Variants in AXDND1 observed in about 807,000 individuals in gnomAD.
AXDND1 encodes the protein axonemal dynein light chain domain-containing protein 1.
Under a neutral mutation model 137.5 loss-of-function variants are expected in AXDND1, and 110 were observed. The observed-to-expected ratio is 0.80, with a 90% CI of 0.69 to 0.94. AXDND1 has a LOEUF of 0.94. AXDND1 is among the 40% of genes least tolerant of loss of function. AXDND1 has a pLI of 0.00. For synonymous variants in AXDND1, 414 were observed against 399.7 expected, an observed-to-expected ratio of 1.04 and a Z score of -0.43; for missense variants, 1,191 against 1,169.8, an observed-to-expected ratio of 1.02 and a Z score of -0.26.
chr1:179,408,832 G>A lies in AXDND1; in HGVS notation c.1110-2314G>A, dbSNP rs187109677. ...GTAGCTAGACTACAGGTACACACTA[G>A]AGTGCCTGGTGCCTGGGTAAAATTT... is the stretch of plus-strand genomic sequence containing the variant. On this transcript the variant is annotated intron_variant, in intron 11 of 25. Transcript: ENST00000367618. 2.6e-5 allele frequency among the ~76,000 whole-genome samples: 4 copies of A among 152,164 alleles called. No individual in the cohort carries two copies. In the East Asian group the frequency reaches 7.7e-4, roughly 29 times the overall value.
chr1:179,455,315 G>A (rs1237856151), intron 16 of AXDND1: 1 of 147,412 alleles, frequency 6.8e-6, no homozygotes, highest in Non-Finnish European at 1.5e-5. Flanking sequence ...AAAAGAGGCT[G>A]GGTGCGGTGG....
At chr1:179,459,052 TTAAA>T (rs1390190438) in intron 16 of AXDND1, among the ~76,000 whole-genome samples, 1 of 152,078 alleles carries the variant, frequency 6.6e-6, no homozygotes, top group Non-Finnish European at 1.5e-5. Context: ...TGAATCAGAA[TTAAA>T]TAAATAAAAG....
At chr1:179,490,776 T>TTTA (rs879647607) in intron 18 of AXDND1, among the ~76,000 whole-genome samples, 5 of 151,752 alleles carry the variant, frequency 3.3e-5, no homozygotes, top group East Asian at 1.9e-4. Flanking sequence ...TTTTTTTTTT[T>TTTA]ATCACACAAC....
intron 20 of AXDND1, among the ~76,000 whole-genome samples, chr1:179,502,366 A>G (rs1374064735): frequency 6.6e-6 from 1 of 152,042 alleles, no homozygotes; most frequent in East Asian, 1.9e-4. Flanking sequence ...GGAGTTCAAG[A>G]TCAGCCTGGC....
chr1:179,375,107 A>T (rs943706366), intron 4 of AXDND1, among the ~76,000 whole-genome samples: 14 of 148,870 alleles, frequency 9.4e-5, no homozygotes, highest in Admixed American at 2.0e-4. Context: ...ATAAAAAAAA[A>T]ATTTTTTTTA....
intron 25 of AXDND1, among the ~76,000 whole-genome samples, chr1:179,547,788 C>A (rs1424687023): frequency 2.6e-5 from 4 of 152,116 alleles, no homozygotes; most frequent in African/African-American, 7.2e-5. Flanking sequence ...TTTTAGAAGG[C>A]AAACTGTCCC....
At chr1:179,381,693 C>A (rs546131030) in intron 6 of AXDND1, among the ~76,000 whole-genome samples, 28 of 152,180 alleles carry the variant, frequency 1.8e-4, no homozygotes, top group Non-Finnish European at 3.7e-4. Flanking sequence ...ATCATTATTT[C>A]TTCTGCCAAT....
At position 179,464,457 on chromosome 1, in the gene AXDND1, G is replaced by C. The variant is rs183459621; in HGVS notation, c.1799-3986G>C. On this transcript the variant is annotated intron_variant, in intron 16 of 25. Transcript: ENST00000367618. ...GAATATTGGCCCCCACTCTCTTCTG[G>C]CTTGTAGAGCTTCTGCCAAGAGATC... Among the ~76,000 whole-genome samples the C allele has an allele frequency of 4.1e-3, 617 of 152,228 alleles. 5 individuals carry two copies. The highest frequency in any genetic ancestry group is 0.014 in the African/African-American group (591 of 41,546).
At chr1:179,530,219 TG>T (rs1330598526) in intron 23 of AXDND1, among the ~76,000 whole-genome samples, 2 of 152,140 alleles carry the variant, frequency 1.3e-5, no homozygotes, top group East Asian at 3.9e-4. Flanking sequence ...TTAATAGAGA[TG>T]GGGTTTCATT....
At chr1:179,430,398 T>C in intron 13 of AXDND1, 54 bp from the exon 14 acceptor site, 1 of 1,332,376 alleles carries the variant, frequency 7.5e-7, no homozygotes, top group South Asian at 1.5e-5. Flanking sequence ...TGTTAATGAC[T>C]ATTTGTTATA....
chr1:179,428,901 G>A (rs143975949), intron 12 of AXDND1, among the ~76,000 whole-genome samples: 1,621 of 152,176 alleles, frequency 0.011, 17 homozygotes, highest in Non-Finnish European at 0.016. Flanking sequence ...ACTTTCTGCC[G>A]GGCGTGGTGG....
At chr1:179,516,109 A>C (rs1002018477) in intron 21 of AXDND1, among the ~76,000 whole-genome samples, 1 of 152,052 alleles carries the variant, frequency 6.6e-6, no homozygotes, top group Non-Finnish European at 1.5e-5. Flanking sequence ...TTGGTCATTT[A>C]ACATAATCCC....
At chr1:179,474,488 C>A (rs913525647) in intron 17 of AXDND1, among the ~76,000 whole-genome samples, 2 of 152,106 alleles carry the variant, frequency 1.3e-5, no homozygotes, top group Non-Finnish European at 2.9e-5. Flanking sequence ...ACAATGAAGT[C>A]CAGGCTGAGG....
At chr1:179,457,654 C>G (rs1661609802) in intron 16 of AXDND1, among the ~76,000 whole-genome samples, 1 of 152,104 alleles carries the variant, frequency 6.6e-6, no homozygotes. Flanking sequence ...AAGAAAGATA[C>G]AAGTATTCAA....
At chr1:179,437,192 G>T (rs975638951) in intron 15 of AXDND1, among the ~76,000 whole-genome samples, 1 of 152,054 alleles carries the variant, frequency 6.6e-6, no homozygotes, top group Non-Finnish European at 1.5e-5. Flanking sequence ...AGACAAAAGA[G>T]TATATTTGGA....
intron 18 of AXDND1, among the ~76,000 whole-genome samples, chr1:179,490,392 A>G (rs1235631829): frequency 6.6e-6 from 1 of 152,104 alleles, no homozygotes; most frequent in Non-Finnish European, 1.5e-5. Flanking sequence ...TCTGCATTTT[A>G]TTTCTGGGAC....
At chr1:179,482,428 C>T (rs533209868) in intron 17 of AXDND1, among the ~76,000 whole-genome samples, 2 of 152,132 alleles carry the variant, frequency 1.3e-5, no homozygotes, top group South Asian at 2.1e-4. Context: ...TTACCCAGTA[C>T]CTAGACTCAA....
intron 9 of AXDND1, among the ~76,000 whole-genome samples, chr1:179,386,092 C>T (rs2125105429): frequency 6.9e-6 from 1 of 145,130 alleles, no homozygotes; most frequent in Non-Finnish European, 1.5e-5. Flanking sequence ...CGCTCTGTCG[C>T]CCAGGCTGGA....
At chr1:179,372,664 A>G (rs1668157228) in intron 4 of AXDND1, among the ~76,000 whole-genome samples, 1 of 152,190 alleles carries the variant, frequency 6.6e-6, no homozygotes, top group Admixed American at 6.5e-5. Context: ...ATGAAGAAAC[A>G]AAACATATCT....
Sources: gnomAD v4.1 joint callset for allele counts (sites outside exome capture counted in the v4.1 genomes callset) on GRCh38, gnomAD v4.1.1 for gene constraint, MANE v1.5 for transcripts, NCBI Gene and HGNC (gene_info 2026-07-23, HGNC 2026-07-21) for gene names.